The following PXDNL variants were observed in gnomAD, a reference collection of about 807,000 sequenced individuals.
PXDNL encodes the protein probable oxidoreductase PXDNL.
Under a neutral mutation model 150.8 loss-of-function variants are expected in PXDNL, and 145 were observed. The ratio of observed to expected loss-of-function variants is 0.96; its 90% confidence interval spans 0.84 to 1.10. PXDNL has a LOEUF of 1.10. PXDNL is among the 50% of genes least tolerant of loss of function. The pLI is 0.00. For missense variants in PXDNL, 2,087 were observed against 1,873.9 expected (o/e 1.11, Z -2.10); for synonymous variants, 757 against 725.7 (o/e 1.04, Z -0.69).
chr8:51,780,274 T>A (rs1286965009), intron 1 of PXDNL, among the ~76,000 whole-genome samples: 1 of 152,154 alleles, frequency 6.6e-6, no homozygotes, highest in Non-Finnish European at 1.5e-5. Flanking sequence ...ACAGGCTGTA[T>A]AACCCAGTGA....
chr8:51,373,699 G>A (rs530120920), intron 18 of PXDNL, among the ~76,000 whole-genome samples: 1 of 152,266 alleles, frequency 6.6e-6, no homozygotes, highest in South Asian at 2.1e-4. Context: ...TAAAAACTAA[G>A]CTCTGGGCTT....
chr8:51,700,752 T>G (rs1816241501), intron 1 of PXDNL, among the ~76,000 whole-genome samples: 1 of 149,816 alleles, frequency 6.7e-6, no homozygotes, highest in South Asian at 2.1e-4. Flanking sequence ...TTATACATAC[T>G]CATACGCACA....
chr8:51,788,462 G>C (rs919138889), intron 1 of PXDNL, among the ~76,000 whole-genome samples: 1 of 152,168 alleles, frequency 6.6e-6, no homozygotes, highest in Non-Finnish European at 1.5e-5. Flanking sequence ...ATTCCAGCTT[G>C]GACATGAAAT....
At chr8:51,500,824 TA>T (rs1481352348) in intron 4 of PXDNL, among the ~76,000 whole-genome samples, 2 of 152,170 alleles carry the variant, frequency 1.3e-5, no homozygotes, top group Non-Finnish European at 2.9e-5. Context: ...GGCAGGCAAG[TA>T]AAAAGAAAGC....
chr8:51,752,510 A>G (rs539739524), intron 1 of PXDNL, among the ~76,000 whole-genome samples: 14 of 152,248 alleles, frequency 9.2e-5, no homozygotes, highest in African/African-American at 3.1e-4. Context: ...AACAGTTGCT[A>G]TGGAGGCCTA....
intron 18 of PXDNL, 39 bp from the exon 19 acceptor site, chr8:51,372,120 G>C: frequency 1.3e-6 from 2 of 1,488,874 alleles, no homozygotes; most frequent in African/African-American, 1.4e-5. Flanking sequence ...TCGTGGGTCT[G>C]TGGCCTGAGA....
chr8:51,432,073 T>C (rs1809261498), intron 12 of PXDNL, among the ~76,000 whole-genome samples: 2 of 152,238 alleles, frequency 1.3e-5, no homozygotes, highest in African/African-American at 4.8e-5. Context: ...TTCTATACTA[T>C]CATAATGATT....
intron 1 of PXDNL, among the ~76,000 whole-genome samples, chr8:51,716,770 G>A (rs1244986560): frequency 6.6e-6 from 1 of 152,180 alleles, no homozygotes. Context: ...GGTGGAAAAC[G>A]ATTGCACCCC....
intron 12 of PXDNL, among the ~76,000 whole-genome samples, chr8:51,434,789 G>A (rs1586103880): frequency 6.6e-6 from 1 of 152,150 alleles, no homozygotes; most frequent in Admixed American, 6.5e-5. Context: ...ACAGAATTAT[G>A]ACAGAATGTA....
intron 1 of PXDNL, among the ~76,000 whole-genome samples, chr8:51,669,354 A>G (rs1815453554): frequency 6.6e-6 from 1 of 152,210 alleles, no homozygotes; most frequent in Non-Finnish European, 1.5e-5. Flanking sequence ...GTTATGACCT[A>G]CTTTCAGAAT....
chr8:51,735,564 T>A, intron 1 of PXDNL, among the ~76,000 whole-genome samples: 1 of 129,600 alleles, frequency 7.7e-6, no homozygotes, highest in African/African-American at 3.3e-5. Flanking sequence ...TTTTTTTTTT[T>A]GAGACGGAGT....
intron 21 of PXDNL, among the ~76,000 whole-genome samples, chr8:51,321,991 C>T (rs1407830578): frequency 1.3e-5 from 2 of 152,040 alleles, no homozygotes; most frequent in Admixed American, 6.6e-5. Context: ...GGGAGTGGGG[C>T]TCTAACCCAA....
chr8:51,737,301 T>C (rs1306188805), intron 1 of PXDNL, among the ~76,000 whole-genome samples: 1 of 152,252 alleles, frequency 6.6e-6, no homozygotes, highest in Admixed American at 6.5e-5. Flanking sequence ...CATCGGATTT[T>C]ATTGCATTTT....
At chr8:51,581,897 GC>G (rs1169260192) in intron 3 of PXDNL, among the ~76,000 whole-genome samples, 2 of 152,034 alleles carry the variant, frequency 1.3e-5, no homozygotes, top group African/African-American at 4.8e-5. Context: ...TTATTCATAT[GC>G]CTGTTCAGAT....
At chr8:51,532,631 T>C (rs987380124) in intron 4 of PXDNL, among the ~76,000 whole-genome samples, 3 of 152,194 alleles carry the variant, frequency 2.0e-5, no homozygotes, top group Non-Finnish European at 2.9e-5. Context: ...GCAGGTTCAA[T>C]TGAAAAGATG....
In PXDNL at chr8:51,333,201, A is replaced by T. The variant is rs949926636; in HGVS notation, c.4146+6423T>A. On this transcript the variant is annotated intron_variant, in intron 21 of 22. Transcript: ENST00000356297. ...CCTATCTTCAACCTCCTCAAACAAA[A>T]CAATCTTCAGCCAAGAATTTTGTAA... Among the ~76,000 whole-genome samples, 4 of 152,302 alleles carry T rather than the reference A, an allele frequency of 2.6e-5. 1 individual carries two copies. The highest frequency in any genetic ancestry group is 6.8e-3 in the Middle Eastern group (2 of 294).
chr8:51,760,756 T>G (rs2130996071), intron 1 of PXDNL, among the ~76,000 whole-genome samples: 1 of 151,808 alleles, frequency 6.6e-6, no homozygotes, highest in Non-Finnish European at 1.5e-5. Context: ...CTTTGTCTCT[T>G]TATAACAGTA....
Position 51,374,744 on chromosome 8 carries a change from C to A in PXDNL, c.3558-13G>T, listed in dbSNP as rs1287888298. The A allele has an allele frequency of 6.2e-7, 1 of 1,613,136 alleles. No homozygotes were observed. On this transcript the variant is annotated splice_polypyrimidine_tract_variant and intron_variant, in intron 17 of 22. Transcript: ENST00000356297. ...AGAGCCGTACAACCTGGAACAGAGA[C>A]AGGCAGACAGCGCACACCTGAGACT...
chr8:51,778,691 C>T (rs1054504491), intron 1 of PXDNL, among the ~76,000 whole-genome samples: 1 of 152,246 alleles, frequency 6.6e-6, no homozygotes, highest in African/African-American at 2.4e-5. Context: ...CTCAAGTCAG[C>T]TAGACTTAAC....
Sources: allele counts gnomAD v4.1 joint callset (sites outside exome capture counted in the v4.1 genomes callset), GRCh38; gene constraint gnomAD v4.1.1; transcripts MANE v1.5; gene names NCBI Gene and HGNC (gene_info 2026-07-23, HGNC 2026-07-21).